Variants in PDGFRA observed in about 807,000 individuals in gnomAD.
PDGFRA encodes the protein platelet-derived growth factor receptor alpha.
Under a neutral mutation model 121.5 loss-of-function variants are expected in PDGFRA, and 25 were observed. The ratio of observed to expected loss-of-function variants is 0.21; its 90% CI spans 0.15 to 0.29. The LOEUF (loss-of-function observed/expected upper bound fraction) is 0.29, where lower values mean the gene tolerates loss of function less well. Among genes scored for constraint, PDGFRA ranks in the 10% least tolerant of loss-of-function variants. The pLI, the probability that PDGFRA is intolerant of heterozygous loss-of-function variation, is 1.00. For missense variants in PDGFRA, 1,008 were observed against 1,345.1 expected, an observed-to-expected ratio of 0.75 and a Z score of 3.92; for synonymous variants, 463 against 494.8, an observed-to-expected ratio of 0.94 and a Z score of 0.85.
chr4:54,248,459 A>G (rs1278190198), intron 1 of PDGFRA, among the ~76,000 whole-genome samples: 2 of 152,228 alleles, frequency 1.3e-5, no homozygotes, highest in Non-Finnish European at 2.9e-5. Context: ...AAAACAAGCA[A>G]TGGGGAAAGG....
chr4:54,267,206 C>A, intron 5 of PDGFRA, 83 bp from the exon 6 acceptor site: 2 of 1,296,582 alleles, frequency 1.5e-6, no homozygotes, highest in South Asian at 1.2e-5. Context: ...ACATCCATAT[C>A]ATCCAGAGTC....
At chr4:54,239,197 TA>T (rs896537005) in intron 1 of PDGFRA, among the ~76,000 whole-genome samples, 1 of 152,182 alleles carries the variant, frequency 6.6e-6, no homozygotes, top group Admixed American at 6.5e-5. Flanking sequence ...CTATATGGTC[TA>T]AAAAGGGGAG....
At position 54,292,030 on chromosome 4, in the gene PDGFRA, G is replaced by A. The variant is rs535905208; in HGVS notation, c.3122+1476G>A. Reference sequence around the variant, plus strand: ...AAGTCAAAAAGCAACAGATTGTGGCGAGGTTGTGGAGAAAAAGAAACACTT... The same window carrying A: ...AAGTCAAAAAGCAACAGATTGTGGCAAGGTTGTGGAGAAAAAGAAACACTT... On this transcript the variant is annotated intron_variant, in intron 22 of 22. Transcript: ENST00000257290. Among the ~76,000 whole-genome samples the A allele has an allele frequency of 7.2e-5, 11 of 152,342 alleles. No homozygotes were observed. The East Asian group carries it at 1.2e-3, about 16-fold the overall frequency.
chr4:54,279,599 G>T lies in PDGFRA; in HGVS notation c.2157-717G>T, dbSNP rs535235035. ...GGTTTTTGGGGAACAAGTGGTATTT[G>T]GTTACATGAGTAAATTCTTCAGTGG... On this transcript the variant is annotated intron_variant, in intron 15 of 22. Transcript: ENST00000257290. 3.3e-5 allele frequency among the ~76,000 whole-genome samples: 5 copies of T among 152,012 alleles called. No homozygotes were observed. The South Asian group carries it at 1.0e-3, about 32-fold the overall frequency.
chr4:54,264,992 C>T lies in PDGFRA; in HGVS notation c.702C>T (p.Thr234=), dbSNP rs1577711414. 6.2e-7 allele frequency: 1 copy of T among 1,613,550 alleles called. No individual in the cohort carries two copies. Among genetic ancestry groups the T allele is most frequent in the Non-Finnish European group, 8.5e-7 (1 of 1,179,538 alleles). The part of the protein sequence containing the change: ...VYKSGETIVV[T]CAVFNNEVVD... ...AGTCAGGGGAAACGATTGTGGTCAC[C>T]TGTGCTGTTTTTAACAATGAGGTGG... Residue 234 remains threonine (T), a synonymous_variant, in exon 5 of 23, where the codon ACC becomes ACT. Transcript: ENST00000257290.
chr4:54,271,748 C>T (rs1311322856), intron 8 of PDGFRA, among the ~76,000 whole-genome samples: 2 of 146,822 alleles, frequency 1.4e-5, no homozygotes, highest in African/African-American at 5.0e-5. Flanking sequence ...CTCACTCACT[C>T]TTTTCTTTTC....
intron 8 of PDGFRA, among the ~76,000 whole-genome samples, chr4:54,271,125 G>C (rs1723329237): frequency 6.6e-6 from 1 of 152,148 alleles, no homozygotes; most frequent in Non-Finnish European, 1.5e-5. Context: ...CTTAGCACCT[G>C]CTTCTCAATC....
intron 1 of PDGFRA, among the ~76,000 whole-genome samples, chr4:54,232,937 C>G (rs939410515): frequency 6.6e-6 from 1 of 152,178 alleles, no homozygotes; most frequent in African/African-American, 2.4e-5. Context: ...CCTCAGCATT[C>G]CCGGTGAGCC....
chr4:54,263,306 G>T (rs532055847), intron 3 of PDGFRA, among the ~76,000 whole-genome samples: 11 of 151,910 alleles, frequency 7.2e-5, no homozygotes, highest in African/African-American at 2.4e-4. Flanking sequence ...TTATTTATTT[G>T]TAGAGACAGG....
intron 1 of PDGFRA, among the ~76,000 whole-genome samples, chr4:54,230,778 C>G (rs999067366): frequency 6.6e-6 from 1 of 152,208 alleles, no homozygotes; most frequent in Non-Finnish European, 1.5e-5. Flanking sequence ...CTCTCCCTGC[C>G]GGCTTCAGAG....
At chr4:54,278,316 G>C (rs370873719) in intron 14 of PDGFRA, 46 bp from the exon 15 acceptor site, 1 of 1,504,050 alleles carries the variant, frequency 6.6e-7, no homozygotes, top group South Asian at 1.1e-5. Flanking sequence ...TGGCTTTTCT[G>C]TTCTTCATTT....
intron 3 of PDGFRA, among the ~76,000 whole-genome samples, chr4:54,261,903 ATAT>A (rs1560467505): frequency 6.0e-4 from 18 of 29,926 alleles, no homozygotes; most frequent in African/African-American, 1.7e-3. Flanking sequence ...AGTTACATAT[ATAT>A]ATATATATAT....
intron 2 of PDGFRA, 149 bp downstream of exon 2, chr4:54,258,966 C>A (rs377542283): frequency 2.8e-6 from 2 of 718,496 alleles, no homozygotes; most frequent in South Asian, 1.6e-5. Context: ...CCAGAATGAC[C>A]ACAAACCTTC....
At position 54,269,504 on chromosome 4, in the gene PDGFRA, T is replaced by TACACACAC. The variant is rs141245838; in HGVS notation, c.1122-1105_1122-1098dup. 2.1e-5 allele frequency among the ~76,000 whole-genome samples: 3 copies of TACACACAC among 142,288 alleles called. No homozygotes were observed. In the East Asian group the frequency reaches 6.0e-4, roughly 29 times the overall value. 93.3% of individuals were successfully genotyped at this position (142,288 alleles called of 152,430 possible). A position where few individuals can be genotyped will look rare whatever the true frequency, so the allele number is the denominator to read the frequency against. On this transcript the variant is annotated intron_variant, in intron 7 of 22. Coordinates refer to ENST00000257290, the MANE Select transcript of PDGFRA (RefSeq NM_006206.6). ...CACATACTATATTTATGCACATACA[T>TACACACAC]ACACACACACACACACACACACACA... is the stretch of plus-strand genomic sequence containing the variant.
intron 14 of PDGFRA, 139 bp from the exon 15 acceptor site, chr4:54,278,223 T>TAAAAAAAAAAAAAAAAAAAAAA: frequency 2.1e-6 from 1 of 486,058 alleles, no homozygotes; most frequent in African/African-American, 2.7e-5. Flanking sequence ...GGCTCTTTAT[T>TAAAAAAAAAAAAAAAAAAAAAA]AAAAAAAAAA....
In PDGFRA at chr4:54,270,693, T is replaced by A; in HGVS notation, c.1182T>A (p.Ile394=). The change falls in exon 8 of 23, where the codon ATT becomes ATA. Residue 394 remains isoleucine (I), a synonymous_variant. Coordinates refer to ENST00000257290, the MANE Select transcript of PDGFRA (RefSeq NM_006206.6). ...AKEEDSGHYT[I]VAQNEDAVKS... Reference sequence around the variant, plus strand: ...AAGAAGACAGTGGCCATTATACTATTGTAGCTCAAAATGAAGATGCTGTGA... The same window carrying A: ...AAGAAGACAGTGGCCATTATACTATAGTAGCTCAAAATGAAGATGCTGTGA... 1.9e-6 allele frequency: 3 copies of A among 1,612,326 alleles called. No individual in the cohort carries two copies. Among genetic ancestry groups the A allele is most frequent in the Non-Finnish European group, 2.5e-6 (3 of 1,178,454 alleles).
chr4:54,286,040 G>T (rs1336802556), intron 18 of PDGFRA, 77 bp downstream of exon 18: 2 of 1,446,298 alleles, frequency 1.4e-6, no homozygotes, highest in Non-Finnish European at 1.9e-6. Context: ...TGCTTCTAGA[G>T]ATTCGGTGCC....
rs1311767736 is a variant in PDGFRA at position 54,267,634 on chromosome 4, G to A, written c.1014G>A (p.Glu338=). The change falls in exon 7 of 23, where the codon GAG becomes GAA. Residue 338 remains glutamate, a synonymous_variant. Coordinates refer to ENST00000257290, the MANE Select transcript of PDGFRA (RefSeq NM_006206.6). ...NLHEVKHFVV[E]VRAYPPPRIS... Reference sequence around the variant, plus strand: ...ATGAAGTCAAACATTTTGTTGTAGAGGTGCGGGCCTACCCACCTCCCAGGA... The same window carrying A: ...ATGAAGTCAAACATTTTGTTGTAGAAGTGCGGGCCTACCCACCTCCCAGGA... 1 of 1,614,016 alleles carries A rather than the reference G, an allele frequency of 6.2e-7. No individual in the cohort carries two copies. Among genetic ancestry groups the A allele is most frequent in the Admixed American group, 1.7e-5 (1 of 60,002 alleles).
intron 18 of PDGFRA, 131 bp downstream of exon 18, chr4:54,286,094 C>T: frequency 1.1e-6 from 1 of 949,048 alleles, no homozygotes; most frequent in Non-Finnish European, 1.7e-6. Flanking sequence ...CAGTACACTG[C>T]CTTGGCAGCA....
Sources: allele counts gnomAD v4.1 joint callset (sites outside exome capture counted in the v4.1 genomes callset), GRCh38; gene constraint gnomAD v4.1.1; transcripts MANE v1.5; gene names NCBI Gene and HGNC (gene_info 2026-07-23, HGNC 2026-07-21).